LARP1B: variants seen among roughly 807,000 people sequenced by gnomAD.
LARP1B encodes la-related protein 1B.
LARP1B carries 76 observed loss-of-function variants against 114.2 expected under a neutral mutation model. The ratio of observed to expected loss-of-function variants is 0.67; its 90% confidence interval spans 0.55 to 0.81. LARP1B has a LOEUF of 0.81. Among genes scored for constraint, LARP1B ranks in the 30% least tolerant of loss-of-function variants. LARP1B has a pLI of 0.00. For missense variants in LARP1B, 1,014 were observed against 1,075.8 expected (o/e 0.94, Z 0.80); for synonymous variants, 345 against 348.0 (o/e 0.99, Z 0.10).
At chr4:128,194,449 G>T (rs992587928) in intron 15 of LARP1B, among the ~76,000 whole-genome samples, 1 of 151,616 alleles carries the variant, frequency 6.6e-6, no homozygotes, top group African/African-American at 2.4e-5. Context: ...TTGGGAGGCC[G>T]AGGCGGGCGG....
At chr4:128,131,522 T>A (rs1161294822) in intron 11 of LARP1B, among the ~76,000 whole-genome samples, 1 of 152,156 alleles carries the variant, frequency 6.6e-6, no homozygotes. Flanking sequence ...AAGGCCAGCC[T>A]GGGCAACTTA....
chr4:128,091,298 A>G (rs1775834843), intron 6 of LARP1B, 49 bp from the exon 7 acceptor site: 2 of 1,542,584 alleles, frequency 1.3e-6, no homozygotes, highest in African/African-American at 1.4e-5. Flanking sequence ...CGTAGTAACT[A>G]TTTTTTTCTA....
At chr4:128,075,149 T>C (rs1188936961) in intron 3 of LARP1B, among the ~76,000 whole-genome samples, 156 bp downstream of exon 3, 1 of 152,168 alleles carries the variant, frequency 6.6e-6, no homozygotes, top group Non-Finnish European at 1.5e-5. Context: ...GTCTCCAGGC[T>C]GGAGTGCAGT....
intron 9 of LARP1B, among the ~76,000 whole-genome samples, chr4:128,114,135 AC>A (rs1785027737): frequency 6.6e-6 from 1 of 152,124 alleles, no homozygotes; most frequent in East Asian, 1.9e-4. Context: ...TTTAGTATAG[AC>A]CCTAGTAGAA....
At chr4:128,178,206 AC>A (rs1747079160) in intron 13 of LARP1B, among the ~76,000 whole-genome samples, 1 of 151,650 alleles carries the variant, frequency 6.6e-6, no homozygotes, top group South Asian at 2.1e-4. Flanking sequence ...AGGAAGCTTC[AC>A]CCTTTCTTTA....
At chr4:128,107,695 T>G (rs1782585891) in intron 9 of LARP1B, 1 of 1,436,248 alleles carries the variant, frequency 7.0e-7, no homozygotes, top group Non-Finnish European at 9.1e-7. Context: ...TTCCTTTAAT[T>G]TTGTTACCAA....
rs968956442 is a variant in LARP1B at position 128,206,290 on chromosome 4, C to G, written c.2310-138C>G. 5 of 539,520 alleles carry G rather than the reference C, an allele frequency of 9.3e-6. No individual in the cohort carries two copies. The African/African-American group carries it at 9.8e-5, about 11-fold the overall frequency. 33.4% of individuals were successfully genotyped at this position (539,520 alleles called of 1,614,324 possible). A position where few individuals can be genotyped will look rare whatever the true frequency, so the allele number is the denominator to read the frequency against. On this transcript the variant is annotated intron_variant, in intron 17 of 19. Transcript: ENST00000326639. ...CTGAGCAACAAGAGTGAGACTCTGT[C>G]TCAAAAATAATTAAAAAATCTGAAT...
intron 11 of LARP1B, among the ~76,000 whole-genome samples, chr4:128,156,489 T>C (rs568208063): frequency 2.0e-5 from 3 of 152,270 alleles, no homozygotes; most frequent in South Asian, 4.2e-4. Flanking sequence ...CCAGAGACTT[T>C]GTAGATCCTT....
At position 128,129,348 on chromosome 4, in the gene LARP1B, C is replaced by CAAA. The variant is rs71587364; in HGVS notation, c.1524+7174_1524+7176dup. ...TGGGCGACAGAGCAAGACTCCGTCT[C>CAAA]AAAAAAAAAAAAAAAAGGAATAAGT... On this transcript the variant is annotated intron_variant, in intron 11 of 19. Coordinates refer to ENST00000326639, the MANE Select transcript of LARP1B (RefSeq NM_018078.4). 5.7e-3 allele frequency among the ~76,000 whole-genome samples: 623 copies of CAAA among 109,802 alleles called. 14 individuals are homozygous for CAAA. The highest frequency in any genetic ancestry group is 0.043 in the East Asian group (157 of 3,610). The allele number at this position is 109,802 out of a possible 152,430, so 72.0% of individuals were successfully genotyped here. A position where few individuals can be genotyped will look rare whatever the true frequency, so the allele number is the denominator to read the frequency against.
chr4:128,209,106 A>C (rs1758370493), intron 19 of LARP1B, among the ~76,000 whole-genome samples: 1 of 152,182 alleles, frequency 6.6e-6, no homozygotes. Context: ...AGGCCCTAAA[A>C]AATGAGAGAA....
chr4:128,062,242 G>A, intron 1 of LARP1B: 1 of 985,470 alleles, frequency 1.0e-6, no homozygotes, highest in Non-Finnish European at 1.2e-6. Context: ...TCTGCGTTGG[G>A]CACTGGCAGG....
Position 128,211,544 on chromosome 4 carries a change from T to G in LARP1B, c.*1491T>G. 1.1e-6 allele frequency: 1 copy of G among 919,694 alleles called. No homozygotes were observed. The highest frequency in any genetic ancestry group is 1.3e-6 in the Non-Finnish European group (1 of 770,088). The allele number at this position is 919,694 out of a possible 1,614,324, so 57.0% of individuals were successfully genotyped here. ...AATTGCAGAAATAGTCAAATTTGAA[T>G]ATTCAGAAAATAAATTTATTTAGAT... On this transcript the variant is annotated 3_prime_UTR_variant, in exon 20 of 20. Transcript: ENST00000326639.
intron 15 of LARP1B, among the ~76,000 whole-genome samples, chr4:128,198,712 G>C (rs562793721): frequency 8.5e-4 from 129 of 152,336 alleles, no homozygotes; most frequent in Middle Eastern, 3.4e-3. Flanking sequence ...AGACCACTTT[G>C]AGAACCACTG....
intron 11 of LARP1B, chr4:128,155,536 C>T (rs1481490991): frequency 2.5e-6 from 2 of 793,196 alleles, no homozygotes; most frequent in Non-Finnish European, 4.6e-6. Context: ...CAGTGAGGAG[C>T]TGCAGTGGAT....
chr4:128,113,433 G>T (rs1291265246), intron 9 of LARP1B, among the ~76,000 whole-genome samples: 1 of 145,922 alleles, frequency 6.9e-6, no homozygotes, highest in African/African-American at 2.5e-5. Context: ...CCTCTGCCTT[G>T]CGGATTCAAG....
At chr4:128,091,726 A>G (rs1161804252) in intron 7 of LARP1B, among the ~76,000 whole-genome samples, 1 of 151,584 alleles carries the variant, frequency 6.6e-6, no homozygotes, top group Admixed American at 6.6e-5. Context: ...CCTCCTGGGT[A>G]GTTGGGATTA....
At chr4:128,068,108 C>G (rs1027644357) in intron 1 of LARP1B, among the ~76,000 whole-genome samples, 10 of 152,134 alleles carry the variant, frequency 6.6e-5, no homozygotes, top group Non-Finnish European at 1.0e-4. Flanking sequence ...TCTCGATCTC[C>G]TGACCTCGTG....
chr4:128,178,321 G>A (rs1266417405), intron 13 of LARP1B, 110 bp from the exon 14 acceptor site: 16 of 713,012 alleles, frequency 2.2e-5, no homozygotes, highest in Non-Finnish European at 3.2e-5. Flanking sequence ...TATTTGAAAT[G>A]TTTTCAGTGA....
intron 3 of LARP1B, among the ~76,000 whole-genome samples, chr4:128,075,463 G>T (rs192988562): frequency 6.6e-6 from 1 of 152,132 alleles, no homozygotes; most frequent in East Asian, 1.9e-4. Context: ...CTTCGATGCT[G>T]CCAGTAACAT....
Sources: allele counts gnomAD v4.1 joint callset (sites outside exome capture counted in the v4.1 genomes callset), GRCh38; gene constraint gnomAD v4.1.1; transcripts MANE v1.5; gene names NCBI Gene and HGNC (gene_info 2026-07-23, HGNC 2026-07-21).